Variants in CORO2B observed in about 807,000 individuals in gnomAD.
The protein encoded by CORO2B is coronin 2B.
CORO2B carries 26 observed loss-of-function variants against 58.8 expected under a neutral mutation model. The observed-to-expected ratio is 0.44, with a 90% CI of 0.32 to 0.61. The LOEUF (loss-of-function observed/expected upper bound fraction) is 0.61. Ranked by LOEUF, CORO2B falls within the 20% of genes least tolerant of loss-of-function variation. The pLI is 0.04. For missense variants in CORO2B, 460 were observed against 645.1 expected (o/e 0.71, Z 3.11); for synonymous variants, 242 against 253.8 (o/e 0.95, Z 0.44).
At chr15:68,604,718 T>G (rs1900064408) in intron 1 of CORO2B, among the ~76,000 whole-genome samples, 1 of 152,090 alleles carries the variant, frequency 6.6e-6, no homozygotes, top group African/African-American at 2.4e-5. Flanking sequence ...TATGGAAAGA[T>G]GGGATTATGG....
intron 2 of CORO2B, among the ~76,000 whole-genome samples, chr15:68,646,446 G>A (rs551900159): frequency 6.6e-6 from 1 of 152,278 alleles, no homozygotes; most frequent in Non-Finnish European, 1.5e-5. Flanking sequence ...GCTGGTGGTG[G>A]AGGATGGATT....
chr15:68,711,597 C>T lies in CORO2B; in HGVS notation c.539C>T (p.Thr180Met), dbSNP rs779907122. The T allele has an allele frequency of 2.4e-5, 39 of 1,614,038 alleles. No homozygotes were observed. The highest frequency in any genetic ancestry group is 3.0e-5 in the Non-Finnish European group (35 of 1,179,960). The change falls in exon 5 of 12, where the codon ACG becomes ATG. Residue 180 changes from threonine (T) to methionine (M), a missense_variant. Transcript: ENST00000261861. ...GEPVKMIDCH[T>M]DVILCMSFNT... ...CCGGTGAAGATGATTGACTGCCACACGGATGTGATCCTCTGCATGTCCTTC... is the reference window on the plus strand; with the variant it reads ...CCGGTGAAGATGATTGACTGCCACATGGATGTGATCCTCTGCATGTCCTTC...
the CORO2B span, among the ~76,000 whole-genome samples, chr15:68,557,777 A>T: frequency 1.3e-5 from 2 of 152,252 alleles, no homozygotes; most frequent in African/African-American, 4.8e-5. Context: ...AGGCAGCCTG[A>T]CATCAGTTTG....
chr15:68,629,810 C>CT (rs1900777412), intron 1 of CORO2B, among the ~76,000 whole-genome samples: 1 of 56 alleles, frequency 0.018, no homozygotes, highest in Non-Finnish European at 0.025. Flanking sequence ...AGCTTGGGCT[C>CT]TTAACCAGCA....
rs530190881 is a variant in CORO2B at position 68,681,274 on chromosome 15, T to C, written c.217-13866T>C. On this transcript the variant is annotated intron_variant, in intron 2 of 11. Coordinates refer to ENST00000261861, the MANE Select transcript of CORO2B (RefSeq NM_006091.5). ...GAGGGAAAAGGAAGACCACAAGATG[T>C]GAAGTGCACTAAATCGTCTCAGTGG... 1.4e-4 allele frequency among the ~76,000 whole-genome samples: 22 copies of C among 151,830 alleles called. No individual in the cohort carries two copies. The East Asian group carries it at 4.3e-3, about 30-fold the overall frequency.
the CORO2B span, among the ~76,000 whole-genome samples, chr15:68,519,996 T>C: frequency 6.6e-6 from 1 of 152,248 alleles, no homozygotes; most frequent in African/African-American, 2.4e-5. Flanking sequence ...CAATCCAAAC[T>C]ATTTTCTCAT....
intron 1 of CORO2B, among the ~76,000 whole-genome samples, chr15:68,585,613 G>A (rs1019441926): frequency 6.6e-6 from 1 of 152,136 alleles, no homozygotes; most frequent in Non-Finnish European, 1.5e-5. Context: ...TGGTCCTGGG[G>A]CATGATCGTA....
upstream of CORO2B, among the ~76,000 whole-genome samples, chr15:68,578,244 C>G (rs566951609): frequency 1.3e-5 from 2 of 152,286 alleles, no homozygotes; most frequent in Admixed American, 6.5e-5. The surrounding 1 kb of genome is among the most constrained non-coding windows in gnomAD (Gnocchi z 4.2). Flanking sequence ...GTAGTGTAGA[C>G]AGTCCTAGGG....
intron 8 of CORO2B, among the ~76,000 whole-genome samples, chr15:68,717,487 T>C (rs1328853217): frequency 1.3e-5 from 2 of 152,042 alleles, no homozygotes; most frequent in African/African-American, 4.8e-5. Context: ...TAGAAAGTAA[T>C]GTCAGCAGGA....
intron 9 of CORO2B, 38 bp from the exon 10 acceptor site, chr15:68,719,105 GC>G (rs1445074823): frequency 6.7e-7 from 1 of 1,503,256 alleles, no homozygotes; most frequent in Non-Finnish European, 9.3e-7. Context: ...TTTCCCAGCA[GC>G]CCCCCATGTG....
chr15:68,541,815 C>T, the CORO2B span, among the ~76,000 whole-genome samples: 1 of 152,166 alleles, frequency 6.6e-6, no homozygotes, highest in African/African-American at 2.4e-5. Flanking sequence ...CTGCTAAATG[C>T]CTGAGGGAGA....
At chr15:68,669,890 C>G (rs1339547808) in intron 2 of CORO2B, among the ~76,000 whole-genome samples, 2 of 151,836 alleles carry the variant, frequency 1.3e-5, no homozygotes, top group Non-Finnish European at 2.9e-5. Flanking sequence ...AACCCTATCT[C>G]TACTAAAAAT....
At chr15:68,539,515 A>T in the CORO2B span, among the ~76,000 whole-genome samples, 1 of 151,888 alleles carries the variant, frequency 6.6e-6, no homozygotes, top group Non-Finnish European at 1.5e-5. Flanking sequence ...TCCACTAAAA[A>T]TAAAAAAAAA....
intron 2 of CORO2B, among the ~76,000 whole-genome samples, chr15:68,663,303 A>G (rs534779290): frequency 6.6e-6 from 1 of 152,330 alleles, no homozygotes; most frequent in African/African-American, 2.4e-5. Flanking sequence ...CATTTTGCCT[A>G]TTGATAAGTA....
intron 1 of CORO2B, among the ~76,000 whole-genome samples, chr15:68,626,772 G>A (rs1371480214): frequency 6.6e-6 from 1 of 152,228 alleles, no homozygotes; most frequent in African/African-American, 2.4e-5. Context: ...CGTCTCCACA[G>A]GTGAAGTTAA....
At chr15:68,701,253 CA>C (rs1892635505) in intron 3 of CORO2B, among the ~76,000 whole-genome samples, 2 of 152,120 alleles carry the variant, frequency 1.3e-5, no homozygotes, top group Non-Finnish European at 2.9e-5. Flanking sequence ...GGCCTAGGTT[CA>C]AATCCTGGCT....
intron 2 of CORO2B, among the ~76,000 whole-genome samples, chr15:68,687,423 T>C (rs1325300380): frequency 2.6e-5 from 4 of 152,112 alleles, no homozygotes; most frequent in Non-Finnish European, 5.9e-5. Context: ...CCCCAGTCAG[T>C]TCACTGGGTT....
At chr15:68,580,370 G>T (rs992631770) in intron 1 of CORO2B, among the ~76,000 whole-genome samples, 1 of 134,626 alleles carries the variant, frequency 7.4e-6, no homozygotes, top group Non-Finnish European at 1.7e-5. Flanking sequence ...CCCAGAGTGG[G>T]GTCAGATGGA....
intron 1 of CORO2B, among the ~76,000 whole-genome samples, chr15:68,611,965 C>G (rs1900258429): frequency 6.6e-6 from 1 of 152,024 alleles, no homozygotes; most frequent in South Asian, 2.1e-4. Context: ...GAGACTGGGT[C>G]TTGCTATGTT....
Sources: allele counts gnomAD v4.1 joint callset (sites outside exome capture counted in the v4.1 genomes callset), GRCh38; gene constraint gnomAD v4.1.1; non-coding constraint Gnocchi (gnomAD v3.1); transcripts MANE v1.5; gene names NCBI Gene and HGNC (gene_info 2026-07-23, HGNC 2026-07-21).